Variants in PPIL6 observed in about 807,000 individuals in gnomAD.
PPIL6 encodes the protein probable inactive peptidyl-prolyl cis-trans isomerase-like 6.
PPIL6 carries 39 observed loss-of-function variants against 36.8 expected under a neutral mutation model. The observed-to-expected ratio is 1.06, with a 90% CI of 0.82 to 1.38. PPIL6 has a LOEUF of 1.38. Among genes scored for constraint, PPIL6 ranks in the 40% most tolerant of loss-of-function variants. PPIL6 has a pLI of 0.00. For missense variants in PPIL6, 368 were observed against 379.1 expected (o/e 0.97, Z 0.24); for synonymous variants, 123 against 134.1 (o/e 0.92, Z 0.57).
intron 7 of PPIL6, among the ~76,000 whole-genome samples, chr6:109,398,885 C>G (rs1244762983): frequency 6.6e-6 from 1 of 152,026 alleles, no homozygotes; most frequent in Non-Finnish European, 1.5e-5. Context: ...TAGATAGAGA[C>G]ACAGAAAGAA....
intron 6 of PPIL6, among the ~76,000 whole-genome samples, chr6:109,416,040 C>T (rs892947031): frequency 2.6e-5 from 4 of 152,060 alleles, no homozygotes; most frequent in South Asian, 4.1e-4. Context: ...TTTTGTACAA[C>T]CAAAAGGCTG....
chr6:109,396,223 T>G (rs911274510), intron 7 of PPIL6, among the ~76,000 whole-genome samples: 1 of 152,216 alleles, frequency 6.6e-6, no homozygotes, highest in African/African-American at 2.4e-5. Flanking sequence ...TCTTAAGTGG[T>G]CTTGCTACTT....
Position 109,426,978 on chromosome 6 carries a change from C to T in PPIL6, c.500G>A (p.Cys167Tyr), listed in dbSNP as rs1773852382. The T allele has an allele frequency of 1.2e-6, 2 of 1,603,564 alleles. No individual in the cohort carries two copies. The highest frequency in any genetic ancestry group is 1.3e-5 in the African/African-American group (1 of 74,732). Residue 167 changes from cysteine to tyrosine, a missense_variant, in exon 5 of 8, where the codon TGT (cysteine) becomes TAT (tyrosine). By Grantham distance (194) the Cys-to-Tyr change is radical (BLOSUM62 -2). Coordinates refer to ENST00000521072, the MANE Select transcript of PPIL6 (RefSeq NM_173672.5). ...CTGAAAATTTTTACATGTTTTGGGACACACATCACAGTATAGCTACAAAAT... is the reference window on the plus strand; with the variant it reads ...CTGAAAATTTTTACATGTTTTGGGATACACATCACAGTATAGCTACAAAAT... Reference protein sequence around the residue: ...RLIFELYCDVCPKTCKNFQVL... With the variant: ...RLIFELYCDVYPKTCKNFQVL...
chr6:109,433,588 A>G (rs1422307916), intron 2 of PPIL6, among the ~76,000 whole-genome samples: 1 of 152,082 alleles, frequency 6.6e-6, no homozygotes, highest in Non-Finnish European at 1.5e-5. Context: ...CCTTCTTTGG[A>G]GCAGAGAGAG....
chr6:109,422,591 A>T lies in PPIL6; in HGVS notation c.632-3348T>A, dbSNP rs79282799. Reference sequence around the variant, plus strand: ...GCGACAGAACAAGACCCTGTCTCAAAAAAAAAAGAATGTGGGAATGTCTTC... The same window carrying T: ...GCGACAGAACAAGACCCTGTCTCAATAAAAAAAGAATGTGGGAATGTCTTC... On this transcript the variant is annotated intron_variant, in intron 5 of 7. Transcript: ENST00000521072. Among the ~76,000 whole-genome samples the T allele has an allele frequency of 2.7e-3, 406 of 152,284 alleles. 1 individual carries two copies. Among genetic ancestry groups the T allele is most frequent in the African/African-American group, 9.4e-3 (390 of 41,556 alleles).
chr6:109,428,553 GA>G (rs57264975), intron 3 of PPIL6, among the ~76,000 whole-genome samples: 2,291 of 36,932 alleles, frequency 0.062, 45 homozygotes, highest in East Asian at 0.24. Context: ...ACCCTATGAA[GA>G]AAAAAAAAAA....
intron 6 of PPIL6, among the ~76,000 whole-genome samples, chr6:109,416,240 T>C (rs1406319336): frequency 6.8e-6 from 1 of 147,650 alleles, no homozygotes; most frequent in Non-Finnish European, 1.5e-5. Flanking sequence ...TCTTACTCTG[T>C]CTCCTAGGCT....
chr6:109,403,197 C>G, intron 6 of PPIL6: 1 of 903,704 alleles, frequency 1.1e-6, no homozygotes, highest in Non-Finnish European at 1.6e-6. Context: ...TAGTCTTGAA[C>G]TCCTGGGCTC....
chr6:109,426,006 C>T (rs1562269389), intron 5 of PPIL6, among the ~76,000 whole-genome samples: 4 of 152,170 alleles, frequency 2.6e-5, no homozygotes, highest in African/African-American at 9.7e-5. Flanking sequence ...ATAGACACCA[C>T]ATATTCAGTG....
chr6:109,427,807 G>A (rs1562270656), intron 3 of PPIL6, among the ~76,000 whole-genome samples: 1 of 152,186 alleles, frequency 6.6e-6, no homozygotes, highest in Non-Finnish European at 1.5e-5. Context: ...TGTGGAAATA[G>A]CCACACCTAG....
At position 109,431,207 on chromosome 6, in the gene PPIL6, A is replaced by G. The variant is rs180814447; in HGVS notation, c.370T>C (p.Tyr124His). 6.2e-7 allele frequency: 1 copy of G among 1,613,432 alleles called. No individual in the cohort carries two copies. Among genetic ancestry groups the G allele is most frequent in the East Asian group, 2.2e-5 (1 of 44,872 alleles). ...GAAAAATCCTCAGTGAGTGCGTCATAAAGTGCAGAGGGTTTAATGTCAACT... is the reference window on the plus strand; with the variant it reads ...GAAAAATCCTCAGTGAGTGCGTCATGAAGTGCAGAGGGTTTAATGTCAACT... ...DIVDIKPSAL[Y>H]DALTEDFSAK... Residue 124 changes from tyrosine (Y) to histidine (H), a missense_variant, in exon 3 of 8, where the codon TAT becomes CAT. Tyr to His is a moderately conservative substitution (Grantham distance 83). Coordinates refer to ENST00000521072, the MANE Select transcript of PPIL6 (RefSeq NM_173672.5).
chr6:109,440,310 C>A, intron 1 of PPIL6, 146 bp downstream of exon 1: 1 of 1,067,206 alleles, frequency 9.4e-7, no homozygotes, highest in African/African-American at 1.6e-5. Flanking sequence ...CAGACGGAGC[C>A]CGCCCGGCCA....
chr6:109,407,493 C>T (rs904821505), intron 6 of PPIL6, among the ~76,000 whole-genome samples: 1 of 152,078 alleles, frequency 6.6e-6, no homozygotes, highest in Non-Finnish European at 1.5e-5. Flanking sequence ...CCCGCCTCGG[C>T]CTCCCAAGGT....
Position 109,436,006 on chromosome 6 carries a change from C to T in PPIL6, c.231+98G>A, listed in dbSNP as rs1300589046. 9.2e-6 allele frequency: 7 copies of T among 759,128 alleles called. No homozygotes were observed. The East Asian group carries it at 1.2e-4, about 13-fold the overall frequency. 47.0% of individuals were successfully genotyped at this position (759,128 alleles called of 1,614,324 possible). A position where few individuals can be genotyped will look rare whatever the true frequency, so the allele number is the denominator to read the frequency against. ...TGTAGAGAAATAAAATCTAGTTACA[C>T]TAAAATTACTCTTTCAGTTTTTCCA... is the stretch of plus-strand genomic sequence containing the variant. On this transcript the variant is annotated intron_variant, in intron 2 of 7. Coordinates refer to ENST00000521072, the MANE Select transcript of PPIL6 (RefSeq NM_173672.5).
At chr6:109,401,767 C>T (rs918001155) in intron 6 of PPIL6, among the ~76,000 whole-genome samples, 9 of 150,308 alleles carry the variant, frequency 6.0e-5, no homozygotes, top group African/African-American at 2.2e-4. Context: ...CTCTGTTGCC[C>T]AGGCTGGAGT....
chr6:109,433,948 G>T (rs565283718), intron 2 of PPIL6, among the ~76,000 whole-genome samples: 5 of 152,256 alleles, frequency 3.3e-5, no homozygotes, highest in African/African-American at 1.2e-4. Flanking sequence ...AACCTAGGCT[G>T]AAAGGGGAGG....
intron 6 of PPIL6, among the ~76,000 whole-genome samples, 171 bp from the exon 7 acceptor site, chr6:109,400,341 G>T (rs968948917): frequency 3.3e-5 from 5 of 151,966 alleles, no homozygotes; most frequent in African/African-American, 1.2e-4. Flanking sequence ...ATGCAAATGG[G>T]CTGTTTAAAA....
Position 109,400,138 on chromosome 6 carries a change from C to G in PPIL6, c.721G>C (p.Gly241Arg). 1 of 1,613,262 alleles carries G rather than the reference C, an allele frequency of 6.2e-7. No individual in the cohort carries two copies. Among genetic ancestry groups the G allele is most frequent in the Non-Finnish European group, 8.5e-7 (1 of 1,179,442 alleles). ...ENFSVPHNKR[G>R]VLGMANKGRH... ...CCTTTGTTGGCCATTCCAAGTACTCCTCTTTTATTATGAGGAACTGAAAAG... is the reference window on the plus strand; with the variant it reads ...CCTTTGTTGGCCATTCCAAGTACTCGTCTTTTATTATGAGGAACTGAAAAG... The change falls in exon 7 of 8, where the codon GGA becomes CGA. Residue 241 changes from glycine to arginine, a missense_variant. Transcript: ENST00000521072.
Position 109,431,359 on chromosome 6 carries a change from G to GT in PPIL6, c.232-15_232-14insA. On this transcript the variant is annotated splice_polypyrimidine_tract_variant and intron_variant, in intron 2 of 7. Coordinates refer to ENST00000521072, the MANE Select transcript of PPIL6 (RefSeq NM_173672.5). ...ATTTTTGAGTTCCTGTAAGGGAAAA[G>GT]GACAAAAAAAAAAAAAAACGTAAGA... 6.5e-6 allele frequency: 8 copies of GT among 1,223,790 alleles called. No homozygotes were observed. The highest frequency in any genetic ancestry group is 2.8e-5 in the East Asian group (1 of 36,038). The allele number at this position is 1,223,790 out of a possible 1,614,324, so 75.8% of individuals were successfully genotyped here. A position where few individuals can be genotyped will look rare whatever the true frequency, so the allele number is the denominator to read the frequency against.
Sources: gnomAD v4.1 joint callset for allele counts (sites outside exome capture counted in the v4.1 genomes callset) on GRCh38, gnomAD v4.1.1 for gene constraint, MANE v1.5 for transcripts, NCBI Gene and HGNC (gene_info 2026-07-23, HGNC 2026-07-21) for gene names.